The following GVQW3 variants were observed in gnomAD, a reference collection of about 807,000 sequenced individuals.
The protein encoded by GVQW3 is protein GVQW3.
In GVQW3, 7 loss-of-function variants were observed where a neutral mutation model predicts 12.5. The ratio of observed to expected loss-of-function variants is 0.56; its 90% CI spans 0.32 to 1.05. The LOEUF is 1.05. Ranked by LOEUF, GVQW3 falls within the 50% of genes least tolerant of loss-of-function variation. GVQW3 has a pLI of 0.04. For synonymous variants in GVQW3, 71 were observed against 67.2 expected, an observed-to-expected ratio of 1.06 and a Z score of -0.28; for missense variants, 188 against 190.8, an observed-to-expected ratio of 0.99 and a Z score of 0.09.
intron 1 of GVQW3, among the ~76,000 whole-genome samples, chr11:76,396,399 A>G (rs757157860): frequency 2.0e-5 from 3 of 151,890 alleles, no homozygotes; most frequent in Non-Finnish European, 4.4e-5. Flanking sequence ...ACTGCAAACT[A>G]CGCTTCCCGG....
At chr11:76,400,254 G>A (rs1489948516) in intron 1 of GVQW3, among the ~76,000 whole-genome samples, 5 of 148,466 alleles carry the variant, frequency 3.4e-5, no homozygotes, top group East Asian at 2.0e-4. Context: ...CTGGGATTAC[G>A]GGCGCCTGCC....
chr11:76,409,216 T>C (rs1441528964), downstream of GVQW3, among the ~76,000 whole-genome samples: 2 of 152,202 alleles, frequency 1.3e-5, no homozygotes, highest in African/African-American at 4.8e-5. Context: ...CCAGGTAATG[T>C]TCTAGATGTT....
rs1427591136 is a variant in GVQW3 at position 76,403,833 on chromosome 11, A to G, written c.*75A>G. ...TGAGTCCACAGGCCGAAGAGCGAGGAGTGCTGATGTACAAGGGCAGGAGAA... is the reference window on the plus strand; with the variant it reads ...TGAGTCCACAGGCCGAAGAGCGAGGGGTGCTGATGTACAAGGGCAGGAGAA... On this transcript the variant is annotated 3_prime_UTR_variant, in exon 2 of 2. Transcript: ENST00000529331. 1.8e-5 allele frequency: 12 copies of G among 680,324 alleles called. No homozygotes were observed. Among genetic ancestry groups the G allele is most frequent in the Non-Finnish European group, 3.2e-5 (12 of 371,258 alleles). The allele number at this position is 680,324 out of a possible 1,614,324, so 42.1% of individuals were successfully genotyped here. A position where few individuals can be genotyped will look rare whatever the true frequency, so the allele number is the denominator to read the frequency against.
Position 76,405,828 on chromosome 11 carries a change from A to T in GVQW3, c.*2070A>T, listed in dbSNP as rs1947033815. 1 of 152,056 alleles carries T rather than the reference A, an allele frequency of 6.6e-6. No individual in the cohort carries two copies. The highest frequency in any genetic ancestry group is 1.9e-4 in the East Asian group (1 of 5,176). The allele number at this position is 152,056 out of a possible 1,614,324, so 9.4% of individuals were successfully genotyped here. ...GCTACCATGCATGGCTAATTAATTA[A>T]AAGAATTTTTTTTGGTAGAGACAGG... On this transcript the variant is annotated 3_prime_UTR_variant, in exon 2 of 2. Transcript: ENST00000529331.
At position 76,403,963 on chromosome 11, in the gene GVQW3, G is replaced by C; in HGVS notation, c.*205G>C. On this transcript the variant is annotated 3_prime_UTR_variant, in exon 2 of 2. Coordinates refer to ENST00000529331, the MANE Select transcript of GVQW3 (RefSeq NM_001347885.2). The stretch of plus-strand genomic sequence containing the variant: ...ATGATGTCCATGCACATTAGGGAGG[G>C]CTGCCTCTTCATTACTCGGTCTACC... 1 of 691,658 alleles carries C rather than the reference G, an allele frequency of 1.4e-6. No homozygotes were observed. Among genetic ancestry groups the C allele is most frequent in the Non-Finnish European group, 2.6e-6 (1 of 377,652 alleles). 42.8% of individuals were successfully genotyped at this position (691,658 alleles called of 1,614,324 possible). A position where few individuals can be genotyped will look rare whatever the true frequency, so the allele number is the denominator to read the frequency against.
At chr11:76,401,533 G>C (rs1946988948) in intron 1 of GVQW3, among the ~76,000 whole-genome samples, 1 of 152,016 alleles carries the variant, frequency 6.6e-6, no homozygotes, top group African/African-American at 2.4e-5. Context: ...CAGCACTTTG[G>C]GAGTCTGAGG....
intron 1 of GVQW3, among the ~76,000 whole-genome samples, chr11:76,396,029 T>C (rs191322268): frequency 6.6e-6 from 1 of 152,304 alleles, no homozygotes; most frequent in East Asian, 1.9e-4. Flanking sequence ...TTTTAGGCAG[T>C]TCTTTCTCTG....
intron 1 of GVQW3, among the ~76,000 whole-genome samples, chr11:76,400,003 GTA>G (rs1946973057): frequency 1.3e-5 from 1 of 75,260 alleles, no homozygotes; most frequent in Admixed American, 1.4e-4. Context: ...CTCTCTCTCT[GTA>G]TACACACACA....
At chr11:76,401,274 T>G (rs1946986629) in intron 1 of GVQW3, among the ~76,000 whole-genome samples, 1 of 152,154 alleles carries the variant, frequency 6.6e-6, no homozygotes, top group Admixed American at 6.5e-5. Context: ...TTTGTTTTGT[T>G]TGTTGACTCT....
chr11:76,411,079 C>G (rs1167319818), downstream of GVQW3: 1 of 152,300 alleles, frequency 6.6e-6, no homozygotes, highest in East Asian at 1.9e-4. Flanking sequence ...GCTCCACATA[C>G]AGTAGTTCCT....
chr11:76,414,396 C>T, exon 2 of GVQW3: 1 of 152,074 alleles, frequency 6.6e-6, no homozygotes, highest in East Asian at 1.9e-4. Context: ...CTGGAGGAAC[C>T]CTTGGCATCC....
chr11:76,410,126 A>G (rs1395521623), downstream of GVQW3, among the ~76,000 whole-genome samples: 1 of 152,132 alleles, frequency 6.6e-6, no homozygotes, highest in Non-Finnish European at 1.5e-5. Context: ...ATGGTAGTGC[A>G]CACCTGTAGC....
chr11:76,382,617 CTGT>C, intron 1 of GVQW3: 1 of 542,324 alleles, frequency 1.8e-6, no homozygotes, highest in Non-Finnish European at 3.3e-6. Flanking sequence ...ATTTTCCTTG[CTGT>C]TCTCCATAAC....
intron 1 of GVQW3, among the ~76,000 whole-genome samples, chr11:76,387,514 A>G (rs758810798): frequency 6.6e-6 from 1 of 152,256 alleles, no homozygotes; most frequent in Non-Finnish European, 1.5e-5. Flanking sequence ...ATAGTTTGAT[A>G]TAACCCCCAG....
intron 1 of GVQW3, among the ~76,000 whole-genome samples, chr11:76,385,522 T>C (rs189532636): frequency 6.6e-6 from 1 of 152,308 alleles, no homozygotes; most frequent in Non-Finnish European, 1.5e-5. Context: ...CTCCTCTCTT[T>C]CCTTGTTGCT....
downstream of GVQW3, among the ~76,000 whole-genome samples, chr11:76,409,812 C>A (rs1388860336): frequency 1.3e-5 from 2 of 152,202 alleles, no homozygotes; most frequent in East Asian, 1.9e-4. Flanking sequence ...TGTCACCCAG[C>A]ACCCTATCAG....
At chr11:76,401,104 C>G (rs1345118658) in intron 1 of GVQW3, among the ~76,000 whole-genome samples, 1 of 151,630 alleles carries the variant, frequency 6.6e-6, no homozygotes, top group Non-Finnish European at 1.5e-5. Context: ...AACTCCTGGG[C>G]TCAAGCAATC....
At chr11:76,385,905 T>C (rs2134537395) in intron 1 of GVQW3, among the ~76,000 whole-genome samples, 2 of 152,312 alleles carry the variant, frequency 1.3e-5, no homozygotes, top group South Asian at 4.1e-4. Flanking sequence ...GTCATGAAAC[T>C]TCTTCAGAGT....
chr11:76,412,888 C>G (rs1261925332), downstream of GVQW3: 1 of 152,150 alleles, frequency 6.6e-6, no homozygotes, highest in Non-Finnish European at 1.5e-5. Flanking sequence ...TTCTCCTTCC[C>G]CCCTCATCCA....
Sources: gnomAD v4.1 joint callset for allele counts (sites outside exome capture counted in the v4.1 genomes callset) on GRCh38, gnomAD v4.1.1 for gene constraint, MANE v1.5 for transcripts, NCBI Gene and HGNC (gene_info 2026-07-23, HGNC 2026-07-21) for gene names.